Variants in CCDC187 observed in about 807,000 individuals in gnomAD.
CCDC187 encodes coiled-coil domain-containing protein 187.
A neutral mutation model predicts 38.0 loss-of-function variants in CCDC187; 32 were observed. The ratio of observed to expected loss-of-function variants is 0.84; its 90% CI spans 0.64 to 1.13. The LOEUF (loss-of-function observed/expected upper bound fraction) is 1.13, where lower values mean the gene tolerates loss of function less well. Ranked by LOEUF, CCDC187 falls within the 50% of genes most tolerant of loss-of-function variation. The pLI, the probability that CCDC187 is intolerant of heterozygous loss-of-function variation, is 0.00. For synonymous variants in CCDC187, 333 were observed against 347.9 expected (o/e 0.96, Z 0.48); for missense variants, 707 against 786.8 (o/e 0.90, Z 1.21).
chr9:136,301,941 G>T (rs1227358851), intron 2 of CCDC187, among the ~76,000 whole-genome samples: 2 of 152,070 alleles, frequency 1.3e-5, no homozygotes, highest in East Asian at 3.9e-4. Flanking sequence ...GCTGGGCACC[G>T]TGGCTCACAC....
In CCDC187 at chr9:136,254,971, G is replaced by C. The variant is rs1199827579; in HGVS notation, c.4857C>G (p.Gly1619=). Residue 1619 remains glycine, a synonymous_variant, in exon 26 of 26, where the codon GGC becomes GGG. Coordinates refer to ENST00000638797, the MANE Select transcript of CCDC187 (RefSeq NM_001378188.1). The part of the protein sequence containing the change: ...ATVSSHTSPA[G]SVSSLSCPSL... Reference sequence around the variant, plus strand: ...AGGGACAGGACAGGCTGCTCACAGAGCCTGCTGGGGAGGTGTGGGATGACA... The same window carrying C: ...AGGGACAGGACAGGCTGCTCACAGACCCTGCTGGGGAGGTGTGGGATGACA... The C allele has an allele frequency of 6.1e-6, 6 of 985,382 alleles. No individual in the cohort carries two copies. The highest frequency in any genetic ancestry group is 7.2e-6 in the Non-Finnish European group (6 of 829,946). 61.0% of individuals were successfully genotyped at this position (985,382 alleles called of 1,614,324 possible).
intron 1 of CCDC187, 24 bp downstream of exon 1, chr9:136,303,664 C>G (rs1367572615): frequency 6.5e-6 from 1 of 152,942 alleles, no homozygotes; most frequent in African/African-American, 2.4e-5. Context: ...TGCAGCCCCC[C>G]GCCTAAGTCC....
chr9:136,261,568 T>A (rs1356480009), intron 19 of CCDC187, among the ~76,000 whole-genome samples: 1 of 152,232 alleles, frequency 6.6e-6, no homozygotes, highest in Admixed American at 6.5e-5. Flanking sequence ...TTCCTGGGAC[T>A]GGCAACTGGT....
Position 136,280,482 on chromosome 9 carries a change from CT to C in CCDC187, c.3040+1068del, listed in dbSNP as rs1431833373. ...AGGTGTGAGCCCGACAAGCCCTCCC[CT>C]CCATACACACAAGCAAGCATGCACA... is the stretch of plus-strand genomic sequence containing the variant. On this transcript the variant is annotated intron_variant, in intron 10 of 25. Coordinates refer to ENST00000638797, the MANE Select transcript of CCDC187 (RefSeq NM_001378188.1). 1.1e-4 allele frequency among the ~76,000 whole-genome samples: 17 copies of C among 152,312 alleles called. No individual in the cohort carries two copies. In the East Asian group the frequency reaches 3.3e-3, roughly 29 times the overall value.
intron 14 of CCDC187, among the ~76,000 whole-genome samples, chr9:136,270,219 A>T (rs1830817785): frequency 6.6e-6 from 1 of 152,184 alleles, no homozygotes; most frequent in African/African-American, 2.4e-5. Context: ...CAAAGAGAGA[A>T]AGAGAAAACA....
In CCDC187 at chr9:136,301,196, G is replaced by A. The variant is rs1355842406; in HGVS notation, c.626-878C>T. Among the ~76,000 whole-genome samples the A allele has an allele frequency of 7.9e-5, 12 of 152,314 alleles. No homozygotes were observed. The East Asian group carries it at 9.6e-4, about 12-fold the overall frequency. On this transcript the variant is annotated intron_variant, in intron 2 of 25. Coordinates refer to ENST00000638797, the MANE Select transcript of CCDC187 (RefSeq NM_001378188.1). ...TAGAGGGGTGCACCCCAAAGTATTCGCTCAGGCAGGTTGGGGGAGGAAGGT... is the reference window on the plus strand; with the variant it reads ...TAGAGGGGTGCACCCCAAAGTATTCACTCAGGCAGGTTGGGGGAGGAAGGT...
In CCDC187 at chr9:136,292,194, G is replaced by C. The variant is rs1588669673; in HGVS notation, c.934C>G (p.Pro312Ala). 5.0e-6 allele frequency: 2 copies of C among 398,670 alleles called. No individual in the cohort carries two copies. 24.7% of individuals were successfully genotyped at this position (398,670 alleles called of 1,614,324 possible). ...PVLRRHHSKD[P>A]SRDPALTVDL... ...ACGGTGAGAGCCGGGTCTCTCGAGG[G>C]ATCCTTGCTATGGTGCCTGCGGAGG... Residue 312 changes from proline to alanine, a missense_variant, in exon 5 of 26, where the codon CCC becomes GCC. By Grantham distance (27) the Pro-to-Ala change is conservative (BLOSUM62 -1). Coordinates refer to ENST00000638797, the MANE Select transcript of CCDC187 (RefSeq NM_001378188.1).
intron 18 of CCDC187, among the ~76,000 whole-genome samples, 152 bp from the exon 19 acceptor site, chr9:136,262,614 C>T (rs531654857): frequency 3.9e-4 from 59 of 152,352 alleles, no homozygotes; most frequent in Non-Finnish European, 5.9e-4. Context: ...TGAGACAGGA[C>T]CTCTCATTTG....
At chr9:136,283,409 G>A (rs1831093340) in intron 9 of CCDC187, among the ~76,000 whole-genome samples, 1 of 152,262 alleles carries the variant, frequency 6.6e-6, no homozygotes, top group African/African-American at 2.4e-5. Flanking sequence ...CTCAAGTGGT[G>A]AGTGGCAACG....
intron 16 of CCDC187, chr9:136,266,472 A>G (rs1192761091): frequency 3.3e-5 from 5 of 152,248 alleles, no homozygotes; most frequent in African/African-American, 4.8e-5. Context: ...CTGGAGACCA[A>G]TGTGGCAGTA....
In CCDC187 at chr9:136,290,584, G is replaced by A. The variant is rs997184545; in HGVS notation, c.2029C>T (p.Arg677Trp). The change falls in exon 6 of 26, where the codon CGG (arginine) becomes TGG (tryptophan). Residue 677 changes from arginine (R) to tryptophan (W), a missense_variant. Physicochemically the swap from Arg to Trp is moderately radical, Grantham distance 101. Transcript: ENST00000638797. ...LRSRRLQEVY[R>W]QQREAVLGRA... is the part of the protein sequence containing the mutation. ...CCGAGGACGGCCTCCCTCTGCTGCC[G>A]GTAGACCTCCTGCAGCCTCCGGCTC... The A allele has an allele frequency of 7.5e-5, 30 of 398,816 alleles. No individual in the cohort carries two copies. The highest frequency in any genetic ancestry group is 1.3e-4 in the South Asian group (1 of 7,876). The allele number at this position is 398,816 out of a possible 1,614,324, so 24.7% of individuals were successfully genotyped here.
rs564053057 is a variant in CCDC187, at chr9:136,271,347, T to C, written c.3443-3222A>G. Among the ~76,000 whole-genome samples the C allele has an allele frequency of 3.5e-3, 537 of 151,702 alleles. 3 individuals carry two copies. The highest frequency in any genetic ancestry group is 0.012 in the African/African-American group (506 of 41,402). On this transcript the variant is annotated intron_variant, in intron 14 of 25. Transcript: ENST00000638797. ...GACCAGCCTGGCCAACATGGTGAAA[T>C]CCTGTCTCTACAAAAATACAAAAAT...
At position 136,260,270 on chromosome 9, in the gene CCDC187, C is replaced by T. The variant is rs546915357; in HGVS notation, c.4065-6G>A. On this transcript the variant is annotated splice_region_variant and splice_polypyrimidine_tract_variant and intron_variant, in intron 19 of 25. Coordinates refer to ENST00000638797, the MANE Select transcript of CCDC187 (RefSeq NM_001378188.1). Reference sequence around the variant, plus strand: ...CCTGCTGCTCAGTGGGAGGGCTGCACGGCCATGCAGAGTGGAGGTGACCGC... The same window carrying T: ...CCTGCTGCTCAGTGGGAGGGCTGCATGGCCATGCAGAGTGGAGGTGACCGC... 7.7e-5 allele frequency: 76 copies of T among 985,092 alleles called. 1 individual carries two copies. The South Asian group carries it at 3.0e-3, about 38-fold the overall frequency. The allele number at this position is 985,092 out of a possible 1,614,324, so 61.0% of individuals were successfully genotyped here.
chr9:136,302,686 G>C, intron 2 of CCDC187, 126 bp downstream of exon 2: 1 of 397,780 alleles, frequency 2.5e-6, no homozygotes, highest in East Asian at 3.6e-5. Flanking sequence ...TCCCCACCCT[G>C]GGGGCACGCT....
chr9:136,270,995 G>T (rs1220826412), intron 14 of CCDC187, among the ~76,000 whole-genome samples: 1 of 152,168 alleles, frequency 6.6e-6, no homozygotes, highest in African/African-American at 2.4e-5. Context: ...TATCTAATTT[G>T]TAATATAACT....
At chr9:136,259,577 G>T in intron 20 of CCDC187, 129 bp from the exon 21 acceptor site, 1 of 265,668 alleles carries the variant, frequency 3.8e-6, no homozygotes, top group Non-Finnish European at 5.8e-6. Context: ...TAACCTCAAG[G>T]GAGACAGGGA....
chr9:136,279,731 GA>G (rs1237992609), intron 10 of CCDC187, among the ~76,000 whole-genome samples: 6 of 152,264 alleles, frequency 3.9e-5, no homozygotes, highest in African/African-American at 1.4e-4. Context: ...TCTGGGAAGA[GA>G]AAAGGTGCTG....
chr9:136,283,978 G>A (rs1292542580), intron 9 of CCDC187, among the ~76,000 whole-genome samples: 1 of 152,140 alleles, frequency 6.6e-6, no homozygotes, highest in Non-Finnish European at 1.5e-5. Flanking sequence ...GAGTGAGATG[G>A]GGCACAACCC....
In CCDC187 at chr9:136,259,397, G is replaced by A; in HGVS notation, c.4262C>T (p.Pro1421Leu). ...APLLGLQHVS[P>L]PDGQRLGPAF... ...TGGGCCCAGCCGCTGTCCGTCCGGG[G>A]GGCTCACGTGCTGCAGGCCCAGCAG... Residue 1421 changes from proline to leucine, a missense_variant, in exon 21 of 26, where the codon CCC becomes CTC. Pro to Leu is a moderately conservative substitution (Grantham distance 98). Transcript: ENST00000638797. The A allele has an allele frequency of 1.0e-6, 1 of 985,406 alleles. No individual in the cohort carries two copies. 61.0% of individuals were successfully genotyped at this position (985,406 alleles called of 1,614,324 possible). A position where few individuals can be genotyped will look rare whatever the true frequency, so the allele number is the denominator to read the frequency against.
Sources: allele counts gnomAD v4.1 joint callset (sites outside exome capture counted in the v4.1 genomes callset), GRCh38; gene constraint gnomAD v4.1.1; transcripts MANE v1.5; gene names NCBI Gene and HGNC (gene_info 2026-07-23, HGNC 2026-07-21).